Variants in AP1B1 observed in about 807,000 individuals in gnomAD.
AP1B1 encodes AP-1 complex subunit beta-1.
AP1B1 carries 36 observed loss-of-function variants against 104.3 expected under a neutral mutation model. The ratio of observed to expected loss-of-function variants is 0.35; its 90% CI spans 0.26 to 0.46. The LOEUF (loss-of-function observed/expected upper bound fraction) is 0.46, where lower values mean the gene tolerates loss of function less well. AP1B1 is among the 20% of genes least tolerant of loss of function. AP1B1 has a pLI of 1.00. For missense variants in AP1B1, 901 were observed against 1,247.9 expected (o/e 0.72, Z 4.19); for synonymous variants, 504 against 517.5 (o/e 0.97, Z 0.35).
intron 2 of AP1B1, among the ~76,000 whole-genome samples, chr22:29,364,868 C>T (rs1272297078): frequency 6.6e-6 from 1 of 151,976 alleles, no homozygotes; most frequent in African/African-American, 2.4e-5. Context: ...ACCATCAAAC[C>T]CTCCTAATTT....
rs1471275137 is a variant in AP1B1 at position 29,358,997 on chromosome 22, G to A, written c.280-26C>T. On this transcript the variant is annotated intron_variant, in intron 4 of 22. Transcript: ENST00000357586. Reference sequence around the variant, plus strand: ...CTGGGGGGAACCAGCCATCGGCCAGGGCAGGGGTGGGATGAGCCATCTGTG... The same window carrying A: ...CTGGGGGGAACCAGCCATCGGCCAGAGCAGGGGTGGGATGAGCCATCTGTG... 4 of 1,583,332 alleles carry A rather than the reference G, an allele frequency of 2.5e-6. No homozygotes were observed. The African/African-American group carries it at 4.0e-5, about 16-fold the overall frequency.
intron 1 of AP1B1, among the ~76,000 whole-genome samples, chr22:29,368,183 A>G (rs1428002028): frequency 2.0e-5 from 3 of 152,134 alleles, no homozygotes; most frequent in African/African-American, 4.8e-5. Flanking sequence ...CTGTAATCTC[A>G]GTTACTTGGG....
chr22:29,358,758 G>A lies in AP1B1; in HGVS notation c.493C>T (p.Leu165Phe). Residue 165 changes from leucine to phenylalanine, a missense_variant, in exon 5 of 23, where the codon CTT becomes TTT. Leu to Phe is a conservative substitution (Grantham distance 22, BLOSUM62 0). Around this residue, in one of 3 missense-constraint regions of AP1B1, gnomAD observed 471 missense variants for 696.7 expected, o/e 0.68. Coordinates refer to ENST00000357586, the MANE Select transcript of AP1B1 (RefSeq NM_001127.4). ...LVEDQGFLDT[L>F]KDLISDSNPM... ...TTAGAGTCGGAGATGAGGTCTTTAA[G>A]GGTGTCCAGGAAGCCCTGGTCCTCC... The A allele has an allele frequency of 1.2e-6, 2 of 1,614,064 alleles. No homozygotes were observed. Among genetic ancestry groups the A allele is most frequent in the East Asian group, 2.2e-5 (1 of 44,904 alleles).
rs571570909 is a variant in AP1B1 at position 29,329,133 on chromosome 22, G to C, written c.2776-238C>G. ...ACCTGCTGTCAGCCCAGTCACCAGA[G>C]CCCTGCTGGCGAGCAGTGTGAGTCA... is the stretch of plus-strand genomic sequence containing the variant. On this transcript the variant is annotated intron_variant, in intron 22 of 22. Transcript: ENST00000357586. 6.0e-6 allele frequency: 8 copies of C among 1,336,750 alleles called. No individual in the cohort carries two copies. The South Asian group carries it at 7.9e-5, about 13-fold the overall frequency. 82.8% of individuals were successfully genotyped at this position (1,336,750 alleles called of 1,614,324 possible). A position where few individuals can be genotyped will look rare whatever the true frequency, so the allele number is the denominator to read the frequency against.
Position 29,328,732 on chromosome 22 carries a change from G to T in AP1B1, c.*89C>A. 6.8e-7 allele frequency: 1 copy of T among 1,474,852 alleles called. No homozygotes were observed. The highest frequency in any genetic ancestry group is 9.2e-7 in the Non-Finnish European group (1 of 1,091,756). 91.4% of individuals were successfully genotyped at this position (1,474,852 alleles called of 1,614,324 possible). ...ACTGAGTGGCCTGGAGCCCCGCCTG[G>T]TCCCTCCTGCGAGGAGGAAGATGTG... On this transcript the variant is annotated 3_prime_UTR_variant, in exon 23 of 23. Coordinates refer to ENST00000357586, the MANE Select transcript of AP1B1 (RefSeq NM_001127.4). The surrounding 1 kb of genome is among the most constrained non-coding windows in gnomAD (Gnocchi z 4.1).
At chr22:29,356,005 C>T (rs2061951715) in intron 6 of AP1B1, among the ~76,000 whole-genome samples, 1 of 152,204 alleles carries the variant, frequency 6.6e-6, no homozygotes, top group Non-Finnish European at 1.5e-5. Flanking sequence ...CTGCACTATT[C>T]CCTCCACCTC....
At chr22:29,339,543 G>A (rs1466843687) in intron 15 of AP1B1, among the ~76,000 whole-genome samples, 2 of 151,958 alleles carry the variant, frequency 1.3e-5, no homozygotes, top group African/African-American at 4.8e-5. Context: ...ATGGGGTGGT[G>A]AGGACTGGGC....
chr22:29,338,865 C>T, intron 16 of AP1B1, 125 bp downstream of exon 16: 3 of 1,296,254 alleles, frequency 2.3e-6, no homozygotes, highest in African/African-American at 1.5e-5. Flanking sequence ...GCCCCTGTGG[C>T]CCCCAGCTTC....
At chr22:29,367,461 CCTT>C (rs2062162110) in intron 1 of AP1B1, among the ~76,000 whole-genome samples, 191 bp from the exon 2 acceptor site, 1 of 142,068 alleles carries the variant, frequency 7.0e-6, no homozygotes, top group Admixed American at 6.9e-5. Context: ...AATCTATCAA[CCTT>C]TTTTTTTTTT....
At chr22:29,358,253 C>T (rs997495498) in intron 5 of AP1B1, among the ~76,000 whole-genome samples, 2 of 152,192 alleles carry the variant, frequency 1.3e-5, no homozygotes, top group Non-Finnish European at 2.9e-5. Context: ...GTCTTCCAGG[C>T]TATGCTACTT....
At chr22:29,352,595 T>G (rs546546007) in intron 7 of AP1B1, among the ~76,000 whole-genome samples, 12 of 152,266 alleles carry the variant, frequency 7.9e-5, no homozygotes, top group Admixed American at 3.3e-4. Context: ...CGGGCAGCCC[T>G]GCTCTGCTGC....
At chr22:29,381,029 C>G (rs2062428877) in intron 1 of AP1B1, among the ~76,000 whole-genome samples, 1 of 152,222 alleles carries the variant, frequency 6.6e-6, no homozygotes, top group Non-Finnish European at 1.5e-5. Flanking sequence ...TCCAGCCGCA[C>G]AGGCCTCTTT....
chr22:29,344,110 C>CAAAAAAAAA lies in AP1B1; in HGVS notation c.1438-1736_1438-1728dup, dbSNP rs58337637. Reference sequence around the variant, plus strand: ...GGGGGACAAGGGCGAGACTTTGTCTCAAAAAAAAAAAAAAAAAGTAAAGAA... The same window carrying CAAAAAAAAA: ...GGGGGACAAGGGCGAGACTTTGTCTCAAAAAAAAAAAAAAAAAAAAAAAAAAGTAAAGAA... On this transcript the variant is annotated intron_variant, in intron 11 of 22. Coordinates refer to ENST00000357586, the MANE Select transcript of AP1B1 (RefSeq NM_001127.4). Among the ~76,000 whole-genome samples the CAAAAAAAAA allele has an allele frequency of 1.3e-3, 120 of 89,754 alleles. 1 individual carries two copies. Among genetic ancestry groups the CAAAAAAAAA allele is most frequent in the African/African-American group, 4.6e-3 (115 of 25,176 alleles). 58.9% of individuals were successfully genotyped at this position (89,754 alleles called of 152,430 possible). A position where few individuals can be genotyped will look rare whatever the true frequency, so the allele number is the denominator to read the frequency against.
intron 1 of AP1B1, among the ~76,000 whole-genome samples, chr22:29,376,313 G>A (rs947401148): frequency 2.6e-5 from 4 of 152,222 alleles, no homozygotes; most frequent in African/African-American, 7.2e-5. Context: ...CAGATGAGAA[G>A]TGTGAAGTTG....
At chr22:29,362,631 C>A (rs2062069063) in intron 3 of AP1B1, among the ~76,000 whole-genome samples, 1 of 152,182 alleles carries the variant, frequency 6.6e-6, no homozygotes, top group Non-Finnish European at 1.5e-5. Context: ...AGGCGTGAGC[C>A]ACCGCGCCTG....
At chr22:29,387,155 T>G (rs2062538154) in intron 1 of AP1B1, among the ~76,000 whole-genome samples, 1 of 152,196 alleles carries the variant, frequency 6.6e-6, no homozygotes, top group Non-Finnish European at 1.5e-5. Flanking sequence ...TCTTAGACTC[T>G]TGCCCTGAAA....
At chr22:29,343,193 C>T (rs1270100302) in intron 11 of AP1B1, among the ~76,000 whole-genome samples, 1 of 152,258 alleles carries the variant, frequency 6.6e-6, no homozygotes, top group Non-Finnish European at 1.5e-5. Context: ...TCCTTAGTCA[C>T]GGTCTCATTT....
chr22:29,359,966 G>A lies in AP1B1; in HGVS notation c.144-7C>T. On this transcript the variant is annotated splice_region_variant and splice_polypyrimidine_tract_variant and intron_variant, in intron 3 of 22. Transcript: ENST00000357586. The stretch of plus-strand genomic sequence containing the variant: ...CACATCGGGGAAGAGGGCACTGGAA[G>A]GTCAAAATGGTGTCAGCATGGGAAA... The A allele has an allele frequency of 6.2e-7, 1 of 1,610,502 alleles. No individual in the cohort carries two copies. Among genetic ancestry groups the A allele is most frequent in the Non-Finnish European group, 8.5e-7 (1 of 1,178,324 alleles).
chr22:29,379,503 T>A (rs1468221559), intron 1 of AP1B1, among the ~76,000 whole-genome samples: 1 of 152,136 alleles, frequency 6.6e-6, no homozygotes, highest in Non-Finnish European at 1.5e-5. Flanking sequence ...TCTGTCAAAT[T>A]AACAGTGTAG....
Sources: gnomAD v4.1 joint callset for allele counts (sites outside exome capture counted in the v4.1 genomes callset) on GRCh38, gnomAD v4.1.1 for gene constraint, gnomAD v4.1.1 regional missense constraint, Gnocchi (gnomAD v3.1) non-coding constraint, MANE v1.5 for transcripts, NCBI Gene and HGNC (gene_info 2026-07-23, HGNC 2026-07-21) for gene names.